Variants in SLC26A2 observed in about 807,000 individuals in gnomAD.
SLC26A2 encodes the protein sulfate transporter.
A neutral mutation model predicts 41.1 loss-of-function variants in SLC26A2; 36 were observed. The observed-to-expected ratio is 0.88, with a 90% CI of 0.67 to 1.16. The LOEUF is 1.16. Among genes scored for constraint, SLC26A2 ranks in the 50% most tolerant of loss-of-function variants. The pLI, the probability that SLC26A2 is intolerant of heterozygous loss-of-function variation, is 0.00. For missense variants in SLC26A2, 796 were observed against 869.6 expected, an observed-to-expected ratio of 0.92 and a Z score of 1.07; for synonymous variants, 291 against 311.6, an observed-to-expected ratio of 0.93 and a Z score of 0.70.
chr5:149,976,615 T>G (rs1754996626), intron 1 of SLC26A2, among the ~76,000 whole-genome samples: 1 of 152,250 alleles, frequency 6.6e-6, no homozygotes, highest in Non-Finnish European at 1.5e-5. Context: ...CTTCTCTTAC[T>G]CCGGTTATTA....
At chr5:149,970,256 C>T (rs1754878489) in intron 1 of SLC26A2, among the ~76,000 whole-genome samples, 1 of 152,110 alleles carries the variant, frequency 6.6e-6, no homozygotes, top group African/African-American at 2.4e-5. Context: ...ACCTGTAATC[C>T]CAGCACTTTG....
Position 149,980,602 on chromosome 5 carries a change from C to CTTG in SLC26A2, c.1020_1022dup (p.Val341dup), listed in dbSNP as rs121908077. The CTTG allele has an allele frequency of 1.2e-6, 2 of 1,614,044 alleles. No homozygotes were observed. The highest frequency in any genetic ancestry group is 8.5e-7 in the Non-Finnish European group (1 of 1,179,966). ...GCTTAAGGCACCGATTCCTATTGAA[C>CTTG]TTGTTGTTGTTGTAGCAGCCACATT... On this transcript the variant is annotated inframe_insertion, in exon 3 of 3. Coordinates refer to ENST00000286298, the MANE Select transcript of SLC26A2 (RefSeq NM_000112.4).
chr5:149,970,499 A>C (rs1250318839), intron 1 of SLC26A2, among the ~76,000 whole-genome samples: 1 of 152,158 alleles, frequency 6.6e-6, no homozygotes, highest in African/African-American at 2.4e-5. Context: ...TGACAGAGTG[A>C]GATCCTGTCA....
At chr5:149,964,455 T>C (rs1222260163) in intron 1 of SLC26A2, among the ~76,000 whole-genome samples, 59 of 139,938 alleles carry the variant, frequency 4.2e-4, no homozygotes, top group Middle Eastern at 9.1e-3. Context: ...CCAGCCTGGG[T>C]AACAGAGTGA....
intron 1 of SLC26A2, among the ~76,000 whole-genome samples, chr5:149,962,449 C>G (rs745567090): frequency 1.3e-5 from 2 of 151,924 alleles, no homozygotes; most frequent in Non-Finnish European, 2.9e-5. Context: ...AGCAAACCTT[C>G]CACCTCAGCT....
chr5:149,964,871 T>G (rs560426884), intron 1 of SLC26A2, among the ~76,000 whole-genome samples: 26 of 152,192 alleles, frequency 1.7e-4, no homozygotes, highest in Non-Finnish European at 3.2e-4. Context: ...ACAGCTTTTC[T>G]GCAAGTCCAC....
chr5:149,981,887 G>T lies in SLC26A2; in HGVS notation c.*74G>T, dbSNP rs1340554120. Reference sequence around the variant, plus strand: ...GTGTCCAACATTTCCCAGTTCCACAGTGGGAAATTTTGCACACTTGAAATT... The same window carrying T: ...GTGTCCAACATTTCCCAGTTCCACATTGGGAAATTTTGCACACTTGAAATT... On this transcript the variant is annotated 3_prime_UTR_variant, in exon 3 of 3. Coordinates refer to ENST00000286298, the MANE Select transcript of SLC26A2 (RefSeq NM_000112.4). 7 of 1,222,478 alleles carry T rather than the reference G, an allele frequency of 5.7e-6. No homozygotes were observed. The highest frequency in any genetic ancestry group is 8.2e-6 in the Non-Finnish European group (7 of 852,614). 75.7% of individuals were successfully genotyped at this position (1,222,478 alleles called of 1,614,324 possible). A position where few individuals can be genotyped will look rare whatever the true frequency, so the allele number is the denominator to read the frequency against.
chr5:149,980,190 T>C, intron 2 of SLC26A2, 103 bp from the exon 3 acceptor site: 1 of 880,216 alleles, frequency 1.1e-6, no homozygotes, highest in South Asian at 1.3e-5. Context: ...TGACATTCTG[T>C]GATGCTCTGA....
rs761075019 is a variant in SLC26A2, at chr5:149,963,738, C to CTTTTT, written c.-26+2779_-26+2783dup. The stretch of plus-strand genomic sequence containing the variant: ...CCTGCTATTTTGCATATTTGTTTAA[C>CTTTTT]TTTTTTTTTTTTTTTTTTTTTTTTG... On this transcript the variant is annotated intron_variant, in intron 1 of 2. Transcript: ENST00000286298. 6.4e-4 allele frequency among the ~76,000 whole-genome samples: 50 copies of CTTTTT among 78,248 alleles called. 3 individuals are homozygous for CTTTTT. The highest frequency in any genetic ancestry group is 2.5e-3 in the East Asian group (6 of 2,388). The allele number at this position is 78,248 out of a possible 152,430, so 51.3% of individuals were successfully genotyped here.
intron 1 of SLC26A2, among the ~76,000 whole-genome samples, chr5:149,970,556 C>G (rs1754882958): frequency 6.6e-6 from 1 of 151,998 alleles, no homozygotes; most frequent in Non-Finnish European, 1.5e-5. Flanking sequence ...GAGAACATAC[C>G]TGTATAGATC....
chr5:149,977,310 C>T (rs1370179041), intron 1 of SLC26A2, among the ~76,000 whole-genome samples: 1 of 152,116 alleles, frequency 6.6e-6, no homozygotes, highest in African/African-American at 2.4e-5. Flanking sequence ...GACAGGCTGC[C>T]CTTACATCTT....
At position 149,981,444 on chromosome 5, in the gene SLC26A2, A is replaced by G; in HGVS notation, c.1851A>G (p.Ala617=). The part of the protein sequence containing the change: ...ILIKVAWKKA[A]KRKIKEKVVT... ...TAAAGGTGGCTTGGAAGAAGGCAGC[A>G]AAGAGAAAGATCAAAGAAAAAGTAG... Residue 617 remains alanine, a synonymous_variant, in exon 3 of 3, where the codon GCA becomes GCG. Transcript: ENST00000286298. The G allele has an allele frequency of 6.2e-7, 1 of 1,614,200 alleles. No homozygotes were observed. Among genetic ancestry groups the G allele is most frequent in the Non-Finnish European group, 8.5e-7 (1 of 1,180,012 alleles).
rs760414785 is a variant in SLC26A2, at chr5:149,981,846, T to A, written c.*33T>A. The stretch of plus-strand genomic sequence containing the variant: ...GGTAGATAGAAGAATGTCTAGCCAA[T>A]AGGTTAAAATTTCAAGTGTCCAACA... On this transcript the variant is annotated 3_prime_UTR_variant, in exon 3 of 3. Coordinates refer to ENST00000286298, the MANE Select transcript of SLC26A2 (RefSeq NM_000112.4). 1 of 1,534,560 alleles carries A rather than the reference T, an allele frequency of 6.5e-7. No individual in the cohort carries two copies. Among genetic ancestry groups the A allele is most frequent in the Non-Finnish European group, 9.0e-7 (1 of 1,113,124 alleles).
chr5:149,969,010 G>A (rs1028386422), intron 1 of SLC26A2, among the ~76,000 whole-genome samples: 1 of 152,004 alleles, frequency 6.6e-6, no homozygotes, highest in African/African-American at 2.4e-5. Context: ...CCAAAGTGCT[G>A]GGATTACACG....
chr5:149,971,582 T>G (rs1754906190), intron 1 of SLC26A2, among the ~76,000 whole-genome samples: 1 of 152,014 alleles, frequency 6.6e-6, no homozygotes, highest in Non-Finnish European at 1.5e-5. Context: ...CTATTTTTAG[T>G]AGAAATGGGT....
chr5:149,967,291 A>G (rs926161356), intron 1 of SLC26A2, among the ~76,000 whole-genome samples: 1 of 152,218 alleles, frequency 6.6e-6, no homozygotes, highest in African/African-American at 2.4e-5. Context: ...ACATATTTCA[A>G]AGGTACTCTC....
chr5:149,987,165 A>G lies in SLC26A2; in HGVS notation c.*5352A>G, dbSNP rs1355869508. On this transcript the variant is annotated 3_prime_UTR_variant, in exon 3 of 3. Transcript: ENST00000286298. ...ATGTTTTATACTGTATTTTTTAATT[A>G]AAGCAAGTGCCTTGATGTAATTCCA... The G allele has an allele frequency of 6.6e-6, 1 of 152,192 alleles. No individual in the cohort carries two copies. The highest frequency in any genetic ancestry group is 6.5e-5 in the Admixed American group (1 of 15,278). 9.4% of individuals were successfully genotyped at this position (152,192 alleles called of 1,614,324 possible).
chr5:149,965,019 A>G (rs1362085290), intron 1 of SLC26A2, among the ~76,000 whole-genome samples: 1 of 152,266 alleles, frequency 6.6e-6, no homozygotes, highest in Non-Finnish European at 1.5e-5. Context: ...GTGTGTTAAC[A>G]TCTTATGAAC....
chr5:149,984,325 G>C lies in SLC26A2; in HGVS notation c.*2512G>C, dbSNP rs1237070592. The C allele has an allele frequency of 6.6e-6, 1 of 152,182 alleles. No individual in the cohort carries two copies. Among genetic ancestry groups the C allele is most frequent in the Non-Finnish European group, 1.5e-5 (1 of 68,030 alleles). The allele number at this position is 152,182 out of a possible 1,614,324, so 9.4% of individuals were successfully genotyped here. ...AAAATGTTTTGGTTGCTGATATTCA[G>C]AGGAATGAAACCTGGAACCAAAGCC... On this transcript the variant is annotated 3_prime_UTR_variant, in exon 3 of 3. Coordinates refer to ENST00000286298, the MANE Select transcript of SLC26A2 (RefSeq NM_000112.4).
Sources: allele counts gnomAD v4.1 joint callset (sites outside exome capture counted in the v4.1 genomes callset), GRCh38; gene constraint gnomAD v4.1.1; transcripts MANE v1.5; gene names NCBI Gene and HGNC (gene_info 2026-07-23, HGNC 2026-07-21).